AOPEP: variants seen among roughly 807,000 people sequenced by gnomAD.
AOPEP encodes the protein aminopeptidase O (putative).
A neutral mutation model predicts 98.1 loss-of-function variants in AOPEP; 77 were observed. The ratio of observed to expected loss-of-function variants is 0.78; its 90% CI spans 0.65 to 0.95. The LOEUF is 0.95. Among genes scored for constraint, AOPEP ranks in the 40% least tolerant of loss-of-function variants. The probability of loss-of-function intolerance (pLI) is 0.00; values close to 1 mark genes in which losing one functional copy is unlikely to be tolerated. For synonymous variants in AOPEP, 346 were observed against 365.3 expected (o/e 0.95, Z 0.60); for missense variants, 1,024 against 1,024.7 (o/e 1.00, Z 0.01).
At chr9:94,992,431 A>G (rs1046013045) in intron 11 of AOPEP, among the ~76,000 whole-genome samples, 1 of 152,204 alleles carries the variant, frequency 6.6e-6, no homozygotes, top group Non-Finnish European at 1.5e-5. Flanking sequence ...GTGGGCTCCA[A>G]ACAGTTTGGT....
intron 13 of AOPEP, among the ~76,000 whole-genome samples, chr9:95,044,406 A>G (rs1050230051): frequency 2.6e-5 from 4 of 152,098 alleles, no homozygotes; most frequent in Admixed American, 6.6e-5. Flanking sequence ...AGGGGGGATT[A>G]AAAGTAAAGA....
At chr9:94,896,224 A>G (rs2049540035) in intron 5 of AOPEP, among the ~76,000 whole-genome samples, 1 of 152,198 alleles carries the variant, frequency 6.6e-6, no homozygotes, top group African/African-American at 2.4e-5. Flanking sequence ...CTGATTTACA[A>G]ACAAACAGTT....
chr9:95,075,754 G>A (rs1242311089), intron 14 of AOPEP, among the ~76,000 whole-genome samples: 1 of 152,174 alleles, frequency 6.6e-6, no homozygotes, highest in Admixed American at 6.5e-5. Context: ...GGGTGTGGTG[G>A]TACATTCCTG....
intron 13 of AOPEP, among the ~76,000 whole-genome samples, chr9:95,016,245 A>ATTTTTTTTTTTTTTTTTT (rs532120566): frequency 8.1e-6 from 1 of 123,656 alleles, no homozygotes; most frequent in Non-Finnish European, 1.6e-5. Context: ...TTCTCTTGTG[A>ATTTTTTTTTTTTTTTTTT]TTTTTTTTTT....
chr9:95,126,428 C>T, the AOPEP span: 1 of 1,159,144 alleles, frequency 8.6e-7, no homozygotes, highest in Non-Finnish European at 1.3e-6. Context: ...ACTCTAATTT[C>T]CCCATGATAC....
chr9:95,003,885 T>TGTTGTTGTTGTTG (rs2061727817), intron 11 of AOPEP: 1 of 157,554 alleles, frequency 6.3e-6, no homozygotes, highest in African/African-American at 2.4e-5. Flanking sequence ...TGTTGTTTGT[T>TGTTGTTGTTGTTG]TTAGGAAATA....
chr9:94,961,539 A>G (rs1183646529), intron 9 of AOPEP, among the ~76,000 whole-genome samples: 1 of 151,670 alleles, frequency 6.6e-6, no homozygotes, highest in Non-Finnish European at 1.5e-5. Flanking sequence ...TGTTAGTGTT[A>G]TTTTCCTTAA....
At chr9:94,913,807 C>T (rs1564370477) in intron 5 of AOPEP, among the ~76,000 whole-genome samples, 2 of 152,228 alleles carry the variant, frequency 1.3e-5, no homozygotes. Context: ...ACACTTTAAA[C>T]AAACATGCCA....
intron 3 of AOPEP, among the ~76,000 whole-genome samples, chr9:94,785,701 T>C (rs990755721): frequency 6.6e-6 from 1 of 152,240 alleles, no homozygotes; most frequent in African/African-American, 2.4e-5. Flanking sequence ...TTCTGGCCTC[T>C]GCAGAGGAAA....
At chr9:94,925,504 A>G (rs1236191162) in intron 6 of AOPEP, among the ~76,000 whole-genome samples, 1 of 152,234 alleles carries the variant, frequency 6.6e-6, no homozygotes, top group Admixed American at 6.5e-5. Context: ...TCACAATTCA[A>G]CACTACCCTC....
intron 5 of AOPEP, among the ~76,000 whole-genome samples, chr9:94,838,983 T>C (rs2041958378): frequency 7.1e-6 from 1 of 141,634 alleles, no homozygotes; most frequent in African/African-American, 2.6e-5. Flanking sequence ...CAATCTCGGC[T>C]CACTGCAACC....
intron 5 of AOPEP, among the ~76,000 whole-genome samples, chr9:94,801,505 C>T (rs564272021): frequency 6.6e-6 from 1 of 152,312 alleles, no homozygotes; most frequent in Admixed American, 6.5e-5. Context: ...GTGGATGGAT[C>T]AGTGTAAATC....
rs1281979965 is a variant in AOPEP at position 95,087,101 on chromosome 9, A to G, written c.*424A>G. 1 of 196,704 alleles carries G rather than the reference A, an allele frequency of 5.1e-6. No homozygotes were observed. Among genetic ancestry groups the G allele is most frequent in the Non-Finnish European group, 9.2e-6 (1 of 108,802 alleles). 12.2% of individuals were successfully genotyped at this position (196,704 alleles called of 1,614,324 possible). The stretch of plus-strand genomic sequence containing the variant: ...ATGAGACCAGTGGGCGCCATTTAAA[A>G]GAACAGGATGAGAATCTAAGATATA... On this transcript the variant is annotated 3_prime_UTR_variant, in exon 17 of 17. Transcript: ENST00000375315.
At chr9:94,836,675 T>G (rs2041644146) in intron 5 of AOPEP, among the ~76,000 whole-genome samples, 1 of 152,188 alleles carries the variant, frequency 6.6e-6, no homozygotes, top group Non-Finnish European at 1.5e-5. Context: ...TAACAGTATC[T>G]CTCATAGAGC....
intron 13 of AOPEP, among the ~76,000 whole-genome samples, chr9:95,058,516 A>T (rs1480855585): frequency 1.3e-5 from 2 of 152,184 alleles, no homozygotes; most frequent in Non-Finnish European, 2.9e-5. Context: ...GGCTGAGCCC[A>T]TTCCCCAAAG....
intron 13 of AOPEP, among the ~76,000 whole-genome samples, chr9:95,030,581 A>G (rs1465921494): frequency 6.6e-6 from 1 of 152,170 alleles, no homozygotes; most frequent in Non-Finnish European, 1.5e-5. Context: ...TCGGACTGTG[A>G]GAGGAAGGTT....
intron 5 of AOPEP, among the ~76,000 whole-genome samples, chr9:94,817,758 C>T (rs191932137): frequency 9.2e-5 from 14 of 152,254 alleles, no homozygotes; most frequent in African/African-American, 1.9e-4. Context: ...TTTGGCATTC[C>T]GGAGGGCAGT....
chr9:94,814,563 C>G (rs1465104727), intron 5 of AOPEP, among the ~76,000 whole-genome samples: 1 of 152,228 alleles, frequency 6.6e-6, no homozygotes, highest in East Asian at 1.9e-4. Context: ...AGCTCTAGCT[C>G]CTTTTACTCT....
the AOPEP span, among the ~76,000 whole-genome samples, chr9:95,143,510 G>C: frequency 8.5e-5 from 13 of 152,170 alleles, no homozygotes; most frequent in African/African-American, 2.7e-4. Flanking sequence ...AATAATAAAA[G>C]ATGCTCTTCT....
Sources: allele counts gnomAD v4.1 joint callset (sites outside exome capture counted in the v4.1 genomes callset), GRCh38; gene constraint gnomAD v4.1.1; transcripts MANE v1.5; gene names NCBI Gene and HGNC (gene_info 2026-07-23, HGNC 2026-07-21).